COL14A1: variants seen among roughly 807,000 people sequenced by gnomAD.
COL14A1 encodes the protein collagen alpha-1(XIV) chain.
In COL14A1, 136 loss-of-function variants were observed where a neutral mutation model predicts 230.3. The ratio of observed to expected loss-of-function variants is 0.59; its 90% CI spans 0.51 to 0.68. The LOEUF is 0.68. Among genes scored for constraint, COL14A1 ranks in the 30% least tolerant of loss-of-function variants. COL14A1 has a pLI of 0.00. For missense variants in COL14A1, 1,976 were observed against 2,215.8 expected (o/e 0.89, Z 2.17); for synonymous variants, 792 against 784.1 (o/e 1.01, Z -0.17).
intron 2 of COL14A1, among the ~76,000 whole-genome samples, chr8:120,151,510 C>A (rs189376133): frequency 2.0e-5 from 3 of 151,646 alleles, no homozygotes; most frequent in South Asian, 4.2e-4. Context: ...CATGATGGTG[C>A]GCGCCTGTAG....
chr8:120,262,503 C>T (rs1030276131), intron 23 of COL14A1, among the ~76,000 whole-genome samples: 59 of 151,758 alleles, frequency 3.9e-4, no homozygotes, highest in Non-Finnish European at 1.3e-4. Flanking sequence ...ACAAAAAAAC[C>T]CCACAAAGAT....
intron 36 of COL14A1, among the ~76,000 whole-genome samples, chr8:120,302,369 T>C (rs1195024293): frequency 6.6e-6 from 1 of 152,182 alleles, no homozygotes; most frequent in African/African-American, 2.4e-5. Context: ...TTTTTATAGT[T>C]GTGGATTTTA....
chr8:120,297,747 CT>C (rs1268106179), intron 35 of COL14A1, among the ~76,000 whole-genome samples, 159 bp downstream of exon 35: 1 of 152,008 alleles, frequency 6.6e-6, no homozygotes, highest in Non-Finnish European at 1.5e-5. Flanking sequence ...AACAAGATTT[CT>C]CCTGTATAAC....
At chr8:120,124,626 TC>T (rs902258128), upstream of COL14A1, among the ~76,000 whole-genome samples, 2 of 152,198 alleles carry the variant, frequency 1.3e-5, no homozygotes, top group Admixed American at 1.3e-4. Flanking sequence ...TTGGACTTGT[TC>T]ACAAGAGGAA....
upstream of COL14A1, among the ~76,000 whole-genome samples, chr8:120,124,498 A>T (rs1814251941): frequency 6.6e-6 from 1 of 152,210 alleles, no homozygotes; most frequent in Non-Finnish European, 1.5e-5. Flanking sequence ...AGGTACAACC[A>T]CACGAAATTG....
At position 120,315,997 on chromosome 8, in the gene COL14A1, G is replaced by A; in HGVS notation, c.4659G>A (p.Arg1553=). ...SPGRDGSPGQ[R]GLPGKDGSSG... Reference sequence around the variant, plus strand: ...GACGTGATGGCTCACCAGGCCAGAGGGTAAGGTCTTGCCCAAGGTTGGTTT... The same window carrying A: ...GACGTGATGGCTCACCAGGCCAGAGAGTAAGGTCTTGCCCAAGGTTGGTTT... The change falls in exon 40 of 48, where the codon AGG becomes AGA. Residue 1553 remains arginine, a splice_region_variant and synonymous_variant. Coordinates refer to ENST00000297848, the MANE Select transcript of COL14A1 (RefSeq NM_021110.4). The A allele has an allele frequency of 6.2e-7, 1 of 1,614,008 alleles. No individual in the cohort carries two copies. The highest frequency in any genetic ancestry group is 1.7e-5 in the Admixed American group (1 of 59,998).
chr8:120,262,064 A>AGGGT (rs1238454010), intron 23 of COL14A1, among the ~76,000 whole-genome samples: 1 of 152,154 alleles, frequency 6.6e-6, no homozygotes, highest in Non-Finnish European at 1.5e-5. Flanking sequence ...ACTGCCTAGA[A>AGGGT]GGGTGGTCTG....
chr8:120,149,502 T>C (rs532767874), intron 2 of COL14A1, among the ~76,000 whole-genome samples: 15 of 152,256 alleles, frequency 9.9e-5, no homozygotes, highest in South Asian at 8.3e-4. Context: ...AACTCCAGGA[T>C]ACAAGACACA....
intron 40 of COL14A1, among the ~76,000 whole-genome samples, chr8:120,318,833 G>T (rs1367779160): frequency 1.3e-5 from 2 of 152,120 alleles, no homozygotes; most frequent in Non-Finnish European, 1.5e-5. Context: ...TGACTGAGAA[G>T]ACACTTCCAG....
intron 17 of COL14A1, 151 bp from the exon 18 acceptor site, chr8:120,228,559 A>G: frequency 3.4e-6 from 2 of 594,160 alleles, no homozygotes; most frequent in Non-Finnish European, 6.0e-6. Context: ...CCTTACTTAC[A>G]ATTCATTTCT....
intron 18 of COL14A1, 105 bp from the exon 19 acceptor site, chr8:120,231,362 G>A (rs1411226388): frequency 5.8e-6 from 7 of 1,204,536 alleles, no homozygotes; most frequent in Non-Finnish European, 8.2e-6. Context: ...ATATTACAGG[G>A]ATACATTAAA....
intron 25 of COL14A1, among the ~76,000 whole-genome samples, chr8:120,268,204 A>G (rs767659835): frequency 1.6e-4 from 24 of 151,758 alleles, no homozygotes; most frequent in Non-Finnish European, 3.1e-4. Flanking sequence ...CTCCCCATAC[A>G]TGTCTTATGC....
chr8:120,128,244 T>C (rs1283220255), intron 1 of COL14A1, among the ~76,000 whole-genome samples: 13 of 151,046 alleles, frequency 8.6e-5, no homozygotes, highest in South Asian at 2.1e-4. Flanking sequence ...TGTGTGTGTG[T>C]GTGTGTGTGT....
At chr8:120,160,395 A>G (rs1815623457) in intron 3 of COL14A1, among the ~76,000 whole-genome samples, 1 of 152,116 alleles carries the variant, frequency 6.6e-6, no homozygotes, top group South Asian at 2.1e-4. Context: ...ATACCAAACT[A>G]TTAAGTACCC....
Position 120,168,172 on chromosome 8 carries a change from G to GA in COL14A1, c.367dup (p.Arg123LysfsTer18), listed in dbSNP as rs1295099654. The GA allele has an allele frequency of 7.5e-6, 12 of 1,610,036 alleles. No individual in the cohort carries two copies. Among genetic ancestry groups the GA allele is most frequent in the Non-Finnish European group, 1.0e-5 (12 of 1,177,448 alleles). The stretch of plus-strand genomic sequence containing the variant: ...TACTTTTCTTCCAGTTAAAGATTTA[G>GA]AAAAAAGAAAGGATCCAAAGCCCAG... On this transcript the variant is annotated frameshift_variant, in exon 5 of 48. Coordinates refer to ENST00000297848, the MANE Select transcript of COL14A1 (RefSeq NM_021110.4). LOFTEE classifies it high-confidence loss of function.
chr8:120,315,465 G>T, intron 38 of COL14A1, 68 bp from the exon 39 acceptor site: 2 of 1,241,890 alleles, frequency 1.6e-6, no homozygotes, highest in South Asian at 1.3e-5. Flanking sequence ...TAAATAATGA[G>T]AGAAGGAAAA....
chr8:120,356,920 T>C (rs1440055578), intron 45 of COL14A1, among the ~76,000 whole-genome samples: 1 of 152,134 alleles, frequency 6.6e-6, no homozygotes, highest in Non-Finnish European at 1.5e-5. Context: ...GTGGATTGTG[T>C]TTTCCTAATG....
chr8:120,373,422 T>C lies in COL14A1; in HGVS notation c.*2191T>C, dbSNP rs1812223300. Reference sequence around the variant, plus strand: ...TAATAAGTGTAACTCAGATTCTGGATGTTCGAGTTTACAATACATTGCCTG... The same window carrying C: ...TAATAAGTGTAACTCAGATTCTGGACGTTCGAGTTTACAATACATTGCCTG... On this transcript the variant is annotated 3_prime_UTR_variant, in exon 48 of 48. Transcript: ENST00000297848. Among the ~76,000 whole-genome samples the C allele has an allele frequency of 6.6e-6, 1 of 152,230 alleles. No individual in the cohort carries two copies. The highest frequency in any genetic ancestry group is 1.5e-5 in the Non-Finnish European group (1 of 68,042).
chr8:120,172,132 T>C (rs1051027753), intron 5 of COL14A1, among the ~76,000 whole-genome samples: 3 of 149,650 alleles, frequency 2.0e-5, no homozygotes, highest in African/African-American at 7.5e-5. Flanking sequence ...TAAAGTATTT[T>C]AGGGTTAAAT....
Sources: gnomAD v4.1 joint callset for allele counts (sites outside exome capture counted in the v4.1 genomes callset) on GRCh38, gnomAD v4.1.1 for gene constraint, MANE v1.5 for transcripts, NCBI Gene and HGNC (gene_info 2026-07-23, HGNC 2026-07-21) for gene names.